Variants in PIK3C2G observed in about 807,000 individuals in gnomAD.
The protein encoded by PIK3C2G is phosphatidylinositol-4-phosphate 3-kinase catalytic subunit type 2 gamma.
PIK3C2G carries 168 observed loss-of-function variants against 181.1 expected under a neutral mutation model. The observed-to-expected ratio is 0.93, with a 90% confidence interval of 0.82 to 1.05. The LOEUF is 1.05. Among genes scored for constraint, PIK3C2G ranks in the 50% least tolerant of loss-of-function variants. The pLI, the probability that PIK3C2G is intolerant of heterozygous loss-of-function variation, is 0.00. For missense variants in PIK3C2G, 1,869 were observed against 1,732.8 expected (o/e 1.08, Z -1.40); for synonymous variants, 573 against 592.2 (o/e 0.97, Z 0.47).
chr12:18,272,732 G>A (rs1948796583), intron 1 of PIK3C2G, among the ~76,000 whole-genome samples: 1 of 152,106 alleles, frequency 6.6e-6, no homozygotes, highest in African/African-American at 2.4e-5. Context: ...GCCTCTTTGA[G>A]TTAGCTCACA....
intron 21 of PIK3C2G, 52 bp downstream of exon 21, chr12:18,496,206 T>C (rs1940999193): frequency 9.7e-7 from 1 of 1,031,972 alleles, no homozygotes; most frequent in African/African-American, 1.7e-5. Flanking sequence ...GAACTATCGA[T>C]TTATTACTCA....
intron 32 of PIK3C2G, among the ~76,000 whole-genome samples, chr12:18,642,444 G>A (rs1949890857): frequency 6.6e-6 from 1 of 151,982 alleles, no homozygotes; most frequent in Admixed American, 6.6e-5. Flanking sequence ...TACTCTTTTT[G>A]TTATCCCATA....
chr12:18,505,557 C>A, intron 24 of PIK3C2G, 96 bp downstream of exon 24: 1 of 762,016 alleles, frequency 1.3e-6, no homozygotes, highest in Non-Finnish European at 1.9e-6. Context: ...GACTTGCTCC[C>A]ATCTCTCAAA....
At chr12:18,465,553 A>G (rs1222459830) in intron 18 of PIK3C2G, among the ~76,000 whole-genome samples, 8 of 151,828 alleles carry the variant, frequency 5.3e-5, no homozygotes, top group Admixed American at 3.9e-4. Flanking sequence ...CATTTTTGAA[A>G]GATATGTTTA....
intron 12 of PIK3C2G, among the ~76,000 whole-genome samples, chr12:18,369,146 T>C (rs1419733696): frequency 6.6e-6 from 1 of 152,210 alleles, no homozygotes; most frequent in Non-Finnish European, 1.5e-5. Flanking sequence ...TCACATCTCA[T>C]GGCCATCAGG....
intron 8 of PIK3C2G, 83 bp from the exon 9 acceptor site, chr12:18,338,343 G>A: frequency 9.0e-7 from 1 of 1,108,400 alleles, no homozygotes; most frequent in Non-Finnish European, 1.3e-6. Context: ...TGCTCCTCAT[G>A]GAAAAAGAAG....
intron 16 of PIK3C2G, among the ~76,000 whole-genome samples, chr12:18,413,475 C>G (rs1421312988): frequency 6.6e-6 from 1 of 152,082 alleles, no homozygotes; most frequent in Non-Finnish European, 1.5e-5. Context: ...TTTTGCTTTA[C>G]ATGATCTGCT....
intron 29 of PIK3C2G, among the ~76,000 whole-genome samples, chr12:18,577,687 C>G (rs1226272662): frequency 6.6e-6 from 1 of 152,050 alleles, no homozygotes; most frequent in African/African-American, 2.4e-5. Context: ...CTAAAAGAAG[C>G]TAAAATTATA....
chr12:18,294,789 A>G (rs1218839860), intron 5 of PIK3C2G, among the ~76,000 whole-genome samples: 1 of 151,964 alleles, frequency 6.6e-6, no homozygotes, highest in African/African-American at 2.4e-5. Context: ...ATCCCTATTT[A>G]TATATCCCCT....
At chr12:18,517,030 C>T (rs61914378) in intron 24 of PIK3C2G, among the ~76,000 whole-genome samples, 6 of 139,850 alleles carry the variant, frequency 4.3e-5, no homozygotes, top group South Asian at 2.7e-4. Context: ...CTTTGCTTTT[C>T]CTTTTTTTTT....
At chr12:18,598,358 A>G (rs1031469630) in intron 30 of PIK3C2G, among the ~76,000 whole-genome samples, 4 of 151,854 alleles carry the variant, frequency 2.6e-5, no homozygotes, top group Admixed American at 2.6e-4. Context: ...ATCTACAACT[A>G]TCTGATCTTT....
chr12:18,709,204 A>C, the PIK3C2G span, among the ~76,000 whole-genome samples: 1 of 151,992 alleles, frequency 6.6e-6, no homozygotes, highest in South Asian at 2.1e-4. Context: ...ATGGTATAAG[A>C]TAAGGGTCTA....
At chr12:18,303,102 CTTTCTTTCT>C (rs1404763875) in intron 5 of PIK3C2G, among the ~76,000 whole-genome samples, 4 of 106,658 alleles carry the variant, frequency 3.8e-5, no homozygotes, top group Non-Finnish European at 6.2e-5. Context: ...TTTTCTTTCT[CTTTCTTTCT>C]TTCCTTCTTT....
chr12:18,376,646 T>C (rs956759314), intron 13 of PIK3C2G, among the ~76,000 whole-genome samples: 7 of 152,200 alleles, frequency 4.6e-5, no homozygotes, highest in African/African-American at 1.7e-4. Flanking sequence ...GGATGTTGTT[T>C]CCTCCAAATC....
chr12:18,313,031 C>T (rs566897537), intron 5 of PIK3C2G, among the ~76,000 whole-genome samples: 2 of 152,056 alleles, frequency 1.3e-5, no homozygotes, highest in South Asian at 4.2e-4. Flanking sequence ...ATCTAATATA[C>T]TTTTTTCCTC....
the PIK3C2G span, among the ~76,000 whole-genome samples, chr12:18,705,896 A>T: frequency 6.6e-6 from 1 of 151,114 alleles, no homozygotes; most frequent in South Asian, 2.1e-4. Context: ...TAAATAAATT[A>T]TACCATATCC....
intron 24 of PIK3C2G, among the ~76,000 whole-genome samples, chr12:18,521,914 C>T (rs1286134690): frequency 2.0e-5 from 3 of 152,198 alleles, no homozygotes; most frequent in Non-Finnish European, 4.4e-5. Flanking sequence ...TCATGGGTTG[C>T]ACAGTTCCAT....
intron 26 of PIK3C2G, among the ~76,000 whole-genome samples, chr12:18,557,329 C>A (rs1945064704): frequency 6.6e-6 from 1 of 151,538 alleles, no homozygotes; most frequent in Non-Finnish European, 1.5e-5. Context: ...ACAAACAAAT[C>A]AAAATAACAA....
the PIK3C2G span, among the ~76,000 whole-genome samples, chr12:18,689,923 G>T: frequency 2.0e-5 from 3 of 152,066 alleles, no homozygotes; most frequent in African/African-American, 7.2e-5. Context: ...GAGTGATAGA[G>T]GCAACAGAGA....
Sources: allele counts gnomAD v4.1 joint callset (sites outside exome capture counted in the v4.1 genomes callset), GRCh38; gene constraint gnomAD v4.1.1; transcripts MANE v1.5; gene names NCBI Gene and HGNC (gene_info 2026-07-23, HGNC 2026-07-21).